Variants in KPNA5 observed in about 807,000 individuals in gnomAD.
The protein encoded by KPNA5 is importin subunit alpha-6.
In KPNA5, 46 loss-of-function variants were observed where a neutral mutation model predicts 71.3. The ratio of observed to expected loss-of-function variants is 0.65; its 90% CI spans 0.51 to 0.83. KPNA5 has a LOEUF of 0.83. KPNA5 is among the 40% of genes least tolerant of loss of function. The pLI, the probability that KPNA5 is intolerant of heterozygous loss-of-function variation, is 0.00. For missense variants in KPNA5, 547 were observed against 628.3 expected (o/e 0.87, Z 1.38); for synonymous variants, 207 against 201.4 (o/e 1.03, Z -0.24).
At chr6:116,687,898 T>A (rs1420129777) in intron 1 of KPNA5, among the ~76,000 whole-genome samples, 3 of 152,212 alleles carry the variant, frequency 2.0e-5, no homozygotes, top group African/African-American at 7.2e-5. Flanking sequence ...TTTCCTTAAT[T>A]TGTTTAATTC....
At chr6:116,703,344 C>T (rs1309246975) in intron 6 of KPNA5, among the ~76,000 whole-genome samples, 2 of 151,708 alleles carry the variant, frequency 1.3e-5, no homozygotes, top group African/African-American at 4.9e-5. Context: ...CTCACTGCAA[C>T]TTCCACCTTC....
At position 116,702,002 on chromosome 6, in the gene KPNA5, C is replaced by CT. The variant is rs570723322; in HGVS notation, c.436-9dup. On this transcript the variant is annotated splice_polypyrimidine_tract_variant and intron_variant, in intron 5 of 13. Transcript: ENST00000368564. ...TCTTTGGTTCTTTCATTTATTTTAC[C>CT]TTTTTTTTCTTCTTAGTTTGAAGCT... is the stretch of plus-strand genomic sequence containing the variant. The CT allele has an allele frequency of 1.6e-5, 26 of 1,591,310 alleles. No individual in the cohort carries two copies. The highest frequency in any genetic ancestry group is 8.1e-5 in the South Asian group (7 of 85,980).
chr6:116,701,207 G>A (rs748551103), intron 5 of KPNA5, among the ~76,000 whole-genome samples: 24 of 151,934 alleles, frequency 1.6e-4, no homozygotes, highest in Non-Finnish European at 2.6e-4. Flanking sequence ...GTACGTTTAC[G>A]TGAAAAGTTA....
chr6:116,721,874 C>T (rs1037284076), intron 8 of KPNA5, among the ~76,000 whole-genome samples: 2 of 152,062 alleles, frequency 1.3e-5, no homozygotes, highest in African/African-American at 2.4e-5. Context: ...GTGATTTAGA[C>T]ACAGACAAGA....
At chr6:116,728,517 G>A (rs1426420803) in intron 12 of KPNA5, among the ~76,000 whole-genome samples, 2 of 152,130 alleles carry the variant, frequency 1.3e-5, no homozygotes, top group Non-Finnish European at 2.9e-5. Context: ...CCAGCAATGT[G>A]TCTGGTACTT....
At chr6:116,725,944 A>T in intron 11 of KPNA5, 68 bp downstream of exon 11, 1 of 1,513,900 alleles carries the variant, frequency 6.6e-7, no homozygotes, top group Non-Finnish European at 8.9e-7. Context: ...AAAAGTTAAC[A>T]CTTTTACTAA....
rs1326370662 is a variant in KPNA5, at chr6:116,733,758, G to A, written c.*1435G>A. On this transcript the variant is annotated 3_prime_UTR_variant, in exon 14 of 14. Transcript: ENST00000368564. ...CAACTCTTTTTAAGATGAGAACTAAGGCAATTTTGATATGATTCATGGTCT... is the reference window on the plus strand; with the variant it reads ...CAACTCTTTTTAAGATGAGAACTAAAGCAATTTTGATATGATTCATGGTCT... 1 of 151,414 alleles carries A rather than the reference G, an allele frequency of 6.6e-6. No individual in the cohort carries two copies. The highest frequency in any genetic ancestry group is 1.5e-5 in the Non-Finnish European group (1 of 67,668). The allele number at this position is 151,414 out of a possible 1,614,324, so 9.4% of individuals were successfully genotyped here.
At position 116,734,317 on chromosome 6, in the gene KPNA5, T is replaced by C. The variant is rs1779594944; in HGVS notation, c.*1994T>C. The C allele has an allele frequency of 6.6e-6, 1 of 151,708 alleles. No homozygotes were observed. Among genetic ancestry groups the C allele is most frequent in the Admixed American group, 6.6e-5 (1 of 15,166 alleles). 9.4% of individuals were successfully genotyped at this position (151,708 alleles called of 1,614,324 possible). On this transcript the variant is annotated 3_prime_UTR_variant, in exon 14 of 14. Transcript: ENST00000368564. ...CCCTGTAGTCACTATAATAAATTTCTAAGCCAAATTTTTCAAACAAGATAG... is the reference window on the plus strand; with the variant it reads ...CCCTGTAGTCACTATAATAAATTTCCAAGCCAAATTTTTCAAACAAGATAG...
At chr6:116,691,011 C>A (rs1427068939) in intron 2 of KPNA5, among the ~76,000 whole-genome samples, 1 of 152,092 alleles carries the variant, frequency 6.6e-6, no homozygotes, top group East Asian at 1.9e-4. Context: ...GGCGGGTCAC[C>A]TGAGGTCAGG....
chr6:116,699,912 A>T, intron 5 of KPNA5, among the ~76,000 whole-genome samples: 1 of 152,230 alleles, frequency 6.6e-6, no homozygotes, highest in East Asian at 1.9e-4. Context: ...TGTCCTGTCT[A>T]GAGAAATTCC....
chr6:116,729,631 T>G lies in KPNA5; in HGVS notation c.1322T>G (p.Val441Gly). 1 of 1,610,560 alleles carries G rather than the reference T, an allele frequency of 6.2e-7. No homozygotes were observed. Among genetic ancestry groups the G allele is most frequent in the Non-Finnish European group, 8.5e-7 (1 of 1,178,200 alleles). ...DLLTVMDSKI[V>G]QVALNGLENI... Reference sequence around the variant, plus strand: ...TTGACTGTTATGGACTCCAAAATAGTCCAAGTGGCTTTAAATGGACTTGAA... The same window carrying G: ...TTGACTGTTATGGACTCCAAAATAGGCCAAGTGGCTTTAAATGGACTTGAA... The change falls in exon 13 of 14, where the codon GTC becomes GGC. Residue 441 changes from valine (V) to glycine (G), a missense_variant. Coordinates refer to ENST00000368564, the MANE Select transcript of KPNA5 (RefSeq NM_001366306.2).
chr6:116,721,199 T>TTA (rs1779092127), intron 8 of KPNA5, among the ~76,000 whole-genome samples: 1 of 152,196 alleles, frequency 6.6e-6, no homozygotes, highest in South Asian at 2.1e-4. Context: ...AGAGGATCGT[T>TTA]TATATACTGA....
At chr6:116,726,372 T>G in intron 11 of KPNA5, 123 bp from the exon 12 acceptor site, 1 of 737,506 alleles carries the variant, frequency 1.4e-6, no homozygotes, top group African/African-American at 1.9e-5. Context: ...AATTAAAAAT[T>G]TATTTTAATG....
intron 1 of KPNA5, among the ~76,000 whole-genome samples, chr6:116,686,515 T>C (rs1562425400): frequency 6.6e-6 from 1 of 152,200 alleles, no homozygotes; most frequent in Non-Finnish European, 1.5e-5. Flanking sequence ...TTTACTCTGT[T>C]GACAGATTCT....
intron 6 of KPNA5, 105 bp from the exon 7 acceptor site, chr6:116,704,967 C>T: frequency 4.8e-6 from 3 of 620,424 alleles, no homozygotes; most frequent in Non-Finnish European, 8.1e-6. Context: ...TTTTTTTTAA[C>T]ATATCAGAAA....
chr6:116,709,942 G>C (rs1275523150), intron 7 of KPNA5, among the ~76,000 whole-genome samples: 1 of 151,876 alleles, frequency 6.6e-6, no homozygotes, highest in African/African-American at 2.4e-5. Flanking sequence ...TGTATTTTTA[G>C]TAGAGACAGG....
At chr6:116,732,077 T>TAC in intron 13 of KPNA5, 59 bp from the exon 14 acceptor site, 1 of 142,456 alleles carries the variant, frequency 7.0e-6, no homozygotes, top group Non-Finnish European at 1.3e-5. Context: ...AGTTTGTTTA[T>TAC]ATATATATAT....
chr6:116,727,754 A>G (rs1482707003), intron 12 of KPNA5, among the ~76,000 whole-genome samples: 1 of 152,052 alleles, frequency 6.6e-6, no homozygotes, highest in East Asian at 1.9e-4. Flanking sequence ...AATCATCATA[A>G]TTTTTATTAT....
intron 5 of KPNA5, among the ~76,000 whole-genome samples, chr6:116,699,175 T>C (rs1778139913): frequency 6.6e-6 from 1 of 152,074 alleles, no homozygotes; most frequent in Admixed American, 6.5e-5. Flanking sequence ...AGCTGACTGA[T>C]TAGTTCTTTT....
Sources: allele counts gnomAD v4.1 joint callset (sites outside exome capture counted in the v4.1 genomes callset), GRCh38; gene constraint gnomAD v4.1.1; transcripts MANE v1.5; gene names NCBI Gene and HGNC (gene_info 2026-07-23, HGNC 2026-07-21).